The following DENND1B variants were observed in gnomAD, a reference collection of about 807,000 sequenced individuals.
DENND1B encodes DENN domain containing 1B, also known as DENN domain-containing protein 1B.
DENND1B carries 59 observed loss-of-function variants against 90.1 expected under a neutral mutation model. The ratio of observed to expected loss-of-function variants is 0.65; its 90% CI spans 0.53 to 0.81. The LOEUF is 0.81. Ranked by LOEUF, DENND1B falls within the 40% of genes least tolerant of loss-of-function variation. DENND1B has a pLI of 0.00. For synonymous variants in DENND1B, 337 were observed against 324.6 expected, an observed-to-expected ratio of 1.04 and a Z score of -0.41; for missense variants, 862 against 912.6, an observed-to-expected ratio of 0.94 and a Z score of 0.71.
chr1:197,575,934 G>C (rs926762164), intron 15 of DENND1B, among the ~76,000 whole-genome samples: 1 of 152,118 alleles, frequency 6.6e-6, no homozygotes, highest in Non-Finnish European at 1.5e-5. Context: ...CCTGTTGGCA[G>C]GTAGGGGCCT....
intron 14 of DENND1B, among the ~76,000 whole-genome samples, chr1:197,589,037 C>T (rs763411188): frequency 6.6e-6 from 1 of 152,040 alleles, no homozygotes. Flanking sequence ...GAAAAAGGAA[C>T]TAATTTTTCT....
intron 10 of DENND1B, among the ~76,000 whole-genome samples, chr1:197,619,339 C>T (rs1440057963): frequency 6.6e-6 from 1 of 151,132 alleles, no homozygotes; most frequent in Non-Finnish European, 1.5e-5. Flanking sequence ...GTGTCAAATT[C>T]TCCAAGAGCT....
At chr1:197,626,211 G>C (rs891453844) in intron 10 of DENND1B, among the ~76,000 whole-genome samples, 1 of 152,002 alleles carries the variant, frequency 6.6e-6, no homozygotes, top group East Asian at 1.9e-4. Context: ...CAAATCAACA[G>C]AATATACATT....
intron 14 of DENND1B, among the ~76,000 whole-genome samples, chr1:197,592,833 T>C (rs777304978): frequency 9.2e-5 from 14 of 152,196 alleles, no homozygotes; most frequent in Non-Finnish European, 1.8e-4. Context: ...TAATGGTTTA[T>C]TTTTATGTGT....
At chr1:197,768,684 A>G (rs1002384901) in intron 2 of DENND1B, among the ~76,000 whole-genome samples, 1 of 145,924 alleles carries the variant, frequency 6.9e-6, no homozygotes, top group Non-Finnish European at 1.5e-5. Flanking sequence ...AACCTCCATT[A>G]AAAAAAAAAA....
chr1:197,651,483 G>A (rs1161073289), intron 7 of DENND1B, among the ~76,000 whole-genome samples: 1 of 151,704 alleles, frequency 6.6e-6, no homozygotes, highest in Non-Finnish European at 1.5e-5. Context: ...TTACTGTATA[G>A]GGAAAACAGA....
At chr1:197,586,769 A>C (rs1674734114) in intron 14 of DENND1B, among the ~76,000 whole-genome samples, 1 of 152,204 alleles carries the variant, frequency 6.6e-6, no homozygotes, top group Non-Finnish European at 1.5e-5. Context: ...CAGAGGAAAA[A>C]GTCAAGCAAG....
chr1:197,718,408 T>C (rs1345891795), intron 2 of DENND1B, among the ~76,000 whole-genome samples: 1 of 139,336 alleles, frequency 7.2e-6, no homozygotes, highest in Non-Finnish European at 1.6e-5. Flanking sequence ...AAAAAAAAAG[T>C]TCCTAATGAA....
In DENND1B at chr1:197,715,081, A is replaced by G. The variant is rs200674425; in HGVS notation, c.83-7T>C. On this transcript the variant is annotated splice_polypyrimidine_tract_variant and splice_region_variant and intron_variant, in intron 2 of 22. Coordinates refer to ENST00000620048, the MANE Select transcript of DENND1B (RefSeq NM_001195215.2). Reference sequence around the variant, plus strand: ...TTCCACAATACCACAGGATCTGTAAATAATTGACATGTATAATTAAACAGC... The same window carrying G: ...TTCCACAATACCACAGGATCTGTAAGTAATTGACATGTATAATTAAACAGC... 1.2e-6 allele frequency: 2 copies of G among 1,609,204 alleles called. No individual in the cohort carries two copies. The highest frequency in any genetic ancestry group is 2.7e-5 in the African/African-American group (2 of 74,858).
chr1:197,524,726 C>T (rs893321517), intron 20 of DENND1B, among the ~76,000 whole-genome samples: 4 of 152,016 alleles, frequency 2.6e-5, no homozygotes, highest in African/African-American at 9.7e-5. Context: ...AGCTGTAAAC[C>T]AGCACACGCT....
intron 2 of DENND1B, among the ~76,000 whole-genome samples, chr1:197,772,380 CAA>C (rs1656734603): frequency 6.6e-6 from 1 of 152,126 alleles, no homozygotes; most frequent in African/African-American, 2.4e-5. Context: ...AATCCCAGGG[CAA>C]AGACTTAACA....
chr1:197,615,187 T>C (rs1362940), intron 11 of DENND1B, among the ~76,000 whole-genome samples: 148,253 of 151,216 alleles, frequency 0.98, 72,740 homozygotes, highest in South Asian at 1. Context: ...TCTGTGAATC[T>C]TGCAATGGCA....
rs1571664871 is a variant in DENND1B, at chr1:197,505,923, G to C, written c.*4537C>G. 1 of 12,944 alleles carries C rather than the reference G, an allele frequency of 7.7e-5. No homozygotes were observed. The highest frequency in any genetic ancestry group is 8.5e-5 in the African/African-American group (1 of 11,726). The allele number at this position is 12,944 out of a possible 1,614,324, so 0.8% of individuals were successfully genotyped here. A position where few individuals can be genotyped will look rare whatever the true frequency, so the allele number is the denominator to read the frequency against. On this transcript the variant is annotated 3_prime_UTR_variant, in exon 23 of 23. Transcript: ENST00000620048. ...ATATTTCTTTTAAAGTAACAGTATT[G>C]TCAATCTAATCTAAGGTACAGGATT...
intron 15 of DENND1B, among the ~76,000 whole-genome samples, chr1:197,577,271 A>G (rs1233911596): frequency 2.0e-5 from 3 of 152,214 alleles, no homozygotes; most frequent in Admixed American, 6.5e-5. Flanking sequence ...TCAAACTATT[A>G]TAGCCACTTG....
At chr1:197,757,581 T>A (rs975432660) in intron 2 of DENND1B, among the ~76,000 whole-genome samples, 1 of 152,100 alleles carries the variant, frequency 6.6e-6, no homozygotes, top group African/African-American at 2.4e-5. Context: ...TACAGAAGGG[T>A]CTTACATAAA....
intron 15 of DENND1B, among the ~76,000 whole-genome samples, chr1:197,570,366 T>C (rs1278485721): frequency 1.3e-5 from 2 of 152,182 alleles, no homozygotes; most frequent in Admixed American, 1.3e-4. Context: ...ATGGGATTTA[T>C]TTTATCAAAT....
Position 197,775,292 on chromosome 1 carries a change from G to A in DENND1B, c.-137C>T. On this transcript the variant is annotated 5_prime_UTR_variant, in exon 1 of 23. The change creates a new upstream start codon in the 5' untranslated region. Coordinates refer to ENST00000620048, the MANE Select transcript of DENND1B (RefSeq NM_001195215.2). ...GGGAAAGAGGCTGCTCACAGCAGCC[G>A]TGGCGGCGGGCCCATGTCGGCTGCG... is the stretch of plus-strand genomic sequence containing the variant. 1.6e-6 allele frequency: 1 copy of A among 632,786 alleles called. No individual in the cohort carries two copies. Among genetic ancestry groups the A allele is most frequent in the Non-Finnish European group, 2.3e-6 (1 of 443,460 alleles). 39.2% of individuals were successfully genotyped at this position (632,786 alleles called of 1,614,324 possible). A position where few individuals can be genotyped will look rare whatever the true frequency, so the allele number is the denominator to read the frequency against.
intron 8 of DENND1B, 62 bp from the exon 9 acceptor site, chr1:197,645,805 T>C (rs969988199): frequency 4.6e-5 from 53 of 1,161,452 alleles, no homozygotes; most frequent in Non-Finnish European, 6.0e-5. Context: ...ATATAATTTG[T>C]AATGAAAATC....
At chr1:197,757,956 T>C (rs1289193259) in intron 2 of DENND1B, among the ~76,000 whole-genome samples, 1 of 152,232 alleles carries the variant, frequency 6.6e-6, no homozygotes, top group Admixed American at 6.5e-5. Flanking sequence ...CCCAGTGTTA[T>C]TTCTATTCTA....
Sources: allele counts gnomAD v4.1 joint callset (sites outside exome capture counted in the v4.1 genomes callset), GRCh38; gene constraint gnomAD v4.1.1; transcripts MANE v1.5; gene names NCBI Gene and HGNC (gene_info 2026-07-23, HGNC 2026-07-21).